Variants in SLC2A13 observed in about 807,000 individuals in gnomAD.
SLC2A13 encodes the protein solute carrier family 2 member 13, also known as proton myo-inositol cotransporter.
SLC2A13 carries 32 observed loss-of-function variants against 64.4 expected under a neutral mutation model. That is an observed-to-expected ratio of 0.50 (90% confidence interval 0.37 to 0.67). The LOEUF (loss-of-function observed/expected upper bound fraction) is 0.67, where lower values mean the gene tolerates loss of function less well. Ranked by LOEUF, SLC2A13 falls within the 30% of genes least tolerant of loss-of-function variation. SLC2A13 has a pLI of 0.00. For missense variants in SLC2A13, 743 were observed against 829.2 expected, an observed-to-expected ratio of 0.90 and a Z score of 1.28; for synonymous variants, 338 against 327.1, an observed-to-expected ratio of 1.03 and a Z score of -0.36.
At position 40,105,945 on chromosome 12, in the gene SLC2A13, C is replaced by G; in HGVS notation, c.-137G>C. On this transcript the variant is annotated 5_prime_UTR_variant, in exon 1 of 10. Transcript: ENST00000280871. This position sits in a 1 kb window ranked among gnomAD's most constrained non-coding sequence, Gnocchi z 4.2. ...CTCCCGGCTTCCGCTCCGGCTGCCA[C>G]GGCAGCAGCCGCCGCCACGGCCGCT... 9.2e-7 allele frequency: 1 copy of G among 1,086,790 alleles called. No homozygotes were observed. The highest frequency in any genetic ancestry group is 1.2e-6 in the Non-Finnish European group (1 of 841,230). The allele number at this position is 1,086,790 out of a possible 1,614,324, so 67.3% of individuals were successfully genotyped here.
At position 40,105,991 on chromosome 12, in the gene SLC2A13, C is replaced by T. The variant is rs1199274884; in HGVS notation, c.-183G>A. 1 of 639,278 alleles carries T rather than the reference C, an allele frequency of 1.6e-6. No individual in the cohort carries two copies. The highest frequency in any genetic ancestry group is 3.6e-5 in the East Asian group (1 of 27,556). 39.6% of individuals were successfully genotyped at this position (639,278 alleles called of 1,614,324 possible). Reference sequence around the variant, plus strand: ...CCGCTCCGGGGAGAAAGTTGCTGCCCGCCGCGCTCCGACGCTGCGGAGTTG... The same window carrying T: ...CCGCTCCGGGGAGAAAGTTGCTGCCTGCCGCGCTCCGACGCTGCGGAGTTG... On this transcript the variant is annotated 5_prime_UTR_variant, in exon 1 of 10. Transcript: ENST00000280871. This position sits in a 1 kb window ranked among gnomAD's most constrained non-coding sequence, Gnocchi z 4.2.
intron 1 of SLC2A13, among the ~76,000 whole-genome samples, chr12:40,063,480 G>GAA (rs11295359): frequency 7.1e-6 from 1 of 141,320 alleles, no homozygotes; most frequent in African/African-American, 2.6e-5. Context: ...AAAAACTGAA[G>GAA]AAAAAAAAAA....
intron 3 of SLC2A13, among the ~76,000 whole-genome samples, chr12:40,014,862 G>A (rs913344391): frequency 6.6e-6 from 1 of 152,134 alleles, no homozygotes; most frequent in African/African-American, 2.4e-5. Flanking sequence ...ATTAGATCCA[G>A]CCAATTTTTA....
rs1193808409 is a variant in SLC2A13 at position 40,105,854 on chromosome 12, C to A, written c.-46G>T. ...CCCGGGGGGACGCGGCTCCGCGGGC[C>A]GGCAGTCTCGGCGAGCTAGACAGCC... is the stretch of plus-strand genomic sequence containing the variant. On this transcript the variant is annotated 5_prime_UTR_variant, in exon 1 of 10. Transcript: ENST00000280871. The surrounding 1 kb of genome is among the most constrained non-coding windows in gnomAD (Gnocchi z 4.2). The A allele has an allele frequency of 4.5e-6, 6 of 1,344,112 alleles. No homozygotes were observed. Among genetic ancestry groups the A allele is most frequent in the Non-Finnish European group, 4.8e-6 (5 of 1,051,336 alleles). The allele number at this position is 1,344,112 out of a possible 1,614,324, so 83.3% of individuals were successfully genotyped here. A position where few individuals can be genotyped will look rare whatever the true frequency, so the allele number is the denominator to read the frequency against.
chr12:39,904,126 C>T (rs1417535745), intron 4 of SLC2A13, among the ~76,000 whole-genome samples: 7 of 152,124 alleles, frequency 4.6e-5, no homozygotes, highest in Admixed American at 1.3e-4. Context: ...GCCCAAGCTT[C>T]CAAGGGTTTC....
intron 7 of SLC2A13, among the ~76,000 whole-genome samples, chr12:39,770,757 A>G (rs1940535203): frequency 6.6e-6 from 1 of 152,134 alleles, no homozygotes. Flanking sequence ...CTTACCCTAA[A>G]TTGGAATGGT....
chr12:39,813,368 T>C (rs1942247423), intron 7 of SLC2A13, among the ~76,000 whole-genome samples: 1 of 152,138 alleles, frequency 6.6e-6, no homozygotes, highest in African/African-American at 2.4e-5. Flanking sequence ...TAACCGGATG[T>C]ACCCATAACA....
chr12:39,914,420 T>A (rs1380832025), intron 4 of SLC2A13, among the ~76,000 whole-genome samples: 1 of 152,026 alleles, frequency 6.6e-6, no homozygotes. Flanking sequence ...GACAGAGAAC[T>A]CTGAAAGAAC....
Position 40,068,918 on chromosome 12 carries a change from T to C in SLC2A13, c.557-20708A>G, listed in dbSNP as rs1376028844. Reference sequence around the variant, plus strand: ...AAGTCACAAAGAAAGAGCTAGACAGTGCCTGAACCATCAAGAGCTGACCAC... The same window carrying C: ...AAGTCACAAAGAAAGAGCTAGACAGCGCCTGAACCATCAAGAGCTGACCAC... On this transcript the variant is annotated intron_variant, in intron 1 of 9. Coordinates refer to ENST00000280871, the MANE Select transcript of SLC2A13 (RefSeq NM_052885.4). Among the ~76,000 whole-genome samples, 8 of 152,134 alleles carry C rather than the reference T, an allele frequency of 5.3e-5. No individual in the cohort carries two copies. The East Asian group carries it at 1.2e-3, about 22-fold the overall frequency.
At chr12:40,012,918 G>T (rs751230351) in intron 3 of SLC2A13, among the ~76,000 whole-genome samples, 5 of 152,098 alleles carry the variant, frequency 3.3e-5, no homozygotes, top group Non-Finnish European at 1.5e-5. Flanking sequence ...AGAAATTTTC[G>T]CTAGGGAATG....
Position 40,106,051 on chromosome 12 carries a change from G to C in SLC2A13, c.-243C>G, listed in dbSNP as rs1939302509. ...GGGTCTCACTCCACACTCACGCCCC[G>C]CGCCTGCCGAGCTGGCGCTGCGGAG... On this transcript the variant is annotated 5_prime_UTR_variant, in exon 1 of 10. Coordinates refer to ENST00000280871, the MANE Select transcript of SLC2A13 (RefSeq NM_052885.4). The C allele has an allele frequency of 8.1e-6, 3 of 371,938 alleles. No individual in the cohort carries two copies. The East Asian group carries it at 1.3e-4, about 16-fold the overall frequency. The allele number at this position is 371,938 out of a possible 1,614,324, so 23.0% of individuals were successfully genotyped here. A position where few individuals can be genotyped will look rare whatever the true frequency, so the allele number is the denominator to read the frequency against.
intron 4 of SLC2A13, among the ~76,000 whole-genome samples, chr12:39,912,732 A>T (rs1015687155): frequency 3.9e-5 from 6 of 152,086 alleles, no homozygotes; most frequent in Non-Finnish European, 8.8e-5. Context: ...GCCCTGCCAT[A>T]GTGTGGGGCC....
chr12:39,955,161 T>A (rs1443906909), intron 3 of SLC2A13, among the ~76,000 whole-genome samples: 2 of 152,190 alleles, frequency 1.3e-5, no homozygotes, highest in East Asian at 3.9e-4. Context: ...ATTCAAGTCA[T>A]ATTAAGAATA....
At chr12:39,810,322 T>C (rs1592159082) in intron 7 of SLC2A13, among the ~76,000 whole-genome samples, 1 of 152,332 alleles carries the variant, frequency 6.6e-6, no homozygotes. Context: ...AAATATTTCA[T>C]TTGCCAATTG....
chr12:39,928,982 C>T (rs1018308122), intron 4 of SLC2A13, among the ~76,000 whole-genome samples: 3 of 152,148 alleles, frequency 2.0e-5, no homozygotes, highest in Non-Finnish European at 1.5e-5. Flanking sequence ...CCTTTGCCCT[C>T]CCCACACATG....
chr12:39,900,633 G>T lies in SLC2A13; in HGVS notation c.1035-28672C>A, dbSNP rs552495532. The stretch of plus-strand genomic sequence containing the variant: ...ATACCTAGGAATCCAACTTACAAGG[G>T]ACGTGAAGGACCTCTTCAAGGAGAA... On this transcript the variant is annotated intron_variant, in intron 4 of 9. Coordinates refer to ENST00000280871, the MANE Select transcript of SLC2A13 (RefSeq NM_052885.4). Among the ~76,000 whole-genome samples the T allele has an allele frequency of 1.2e-4, 19 of 152,238 alleles. No homozygotes were observed. In the East Asian group the frequency reaches 3.7e-3, roughly 29 times the overall value.
At chr12:39,919,425 T>C (rs974724526) in intron 4 of SLC2A13, among the ~76,000 whole-genome samples, 2 of 152,108 alleles carry the variant, frequency 1.3e-5, no homozygotes, top group Admixed American at 1.3e-4. Context: ...AGGTATGTTG[T>C]AAAATGAAAA....
chr12:39,767,187 G>C (rs1940386692), intron 7 of SLC2A13, among the ~76,000 whole-genome samples: 1 of 152,016 alleles, frequency 6.6e-6, no homozygotes. Flanking sequence ...TCCATGGGCT[G>C]CAGAATGGAT....
intron 5 of SLC2A13, among the ~76,000 whole-genome samples, chr12:39,870,107 C>T (rs1051117403): frequency 3.3e-5 from 5 of 152,110 alleles, no homozygotes; most frequent in East Asian, 1.9e-4. Flanking sequence ...AATGAAGGAA[C>T]GAACACAGGT....
Sources: gnomAD v4.1 joint callset for allele counts (sites outside exome capture counted in the v4.1 genomes callset) on GRCh38, gnomAD v4.1.1 for gene constraint, Gnocchi (gnomAD v3.1) non-coding constraint, MANE v1.5 for transcripts, NCBI Gene and HGNC (gene_info 2026-07-23, HGNC 2026-07-21) for gene names.